Variants in RIMS4 observed in about 807,000 individuals in gnomAD.
RIMS4 encodes regulating synaptic membrane exocytosis protein 4.
RIMS4 carries 9 observed loss-of-function variants against 29.0 expected under a neutral mutation model. The observed-to-expected ratio is 0.31, with a 90% CI of 0.19 to 0.54. The LOEUF (loss-of-function observed/expected upper bound fraction) is 0.54. Among genes scored for constraint, RIMS4 ranks in the 20% least tolerant of loss-of-function variants. The probability of loss-of-function intolerance (pLI) is 0.94; values close to 1 mark genes in which losing one functional copy is unlikely to be tolerated. For synonymous variants in RIMS4, 130 were observed against 152.9 expected (o/e 0.85, Z 1.10); for missense variants, 193 against 365.7 (o/e 0.53, Z 3.85).
intron 1 of RIMS4, among the ~76,000 whole-genome samples, chr20:44,790,529 C>T (rs1042042350): frequency 6.6e-6 from 1 of 152,220 alleles, no homozygotes; most frequent in African/African-American, 2.4e-5. Flanking sequence ...ATGATTCTCA[C>T]TTGTGAATGT....
At chr20:44,762,067 C>T (rs1012485609) in intron 2 of RIMS4, among the ~76,000 whole-genome samples, 2 of 152,178 alleles carry the variant, frequency 1.3e-5, no homozygotes, top group Non-Finnish European at 2.9e-5. Context: ...GATGAAACTG[C>T]TCCACCTCAG....
intron 2 of RIMS4, among the ~76,000 whole-genome samples, chr20:44,769,658 C>G (rs1167957847): frequency 6.6e-6 from 1 of 152,250 alleles, no homozygotes; most frequent in African/African-American, 2.4e-5. Context: ...TTCCGCTGTC[C>G]TCCTCCTGTT....
At chr20:44,765,065 CTAGG>C (rs1019198795) in intron 2 of RIMS4, among the ~76,000 whole-genome samples, 8 of 152,132 alleles carry the variant, frequency 5.3e-5, no homozygotes, top group Non-Finnish European at 1.2e-4. Context: ...TCTATAAAAG[CTAGG>C]TATTTGTAAT....
chr20:44,757,501 C>A (rs2066065775), intron 4 of RIMS4, among the ~76,000 whole-genome samples, 169 bp downstream of exon 4: 1 of 152,188 alleles, frequency 6.6e-6, no homozygotes, highest in Admixed American at 6.5e-5. Flanking sequence ...ACAATCTCAA[C>A]TGGCTCTTCA....
rs1193401265 is a variant in RIMS4, at chr20:44,757,850, G to C, written c.350-79C>G. On this transcript the variant is annotated intron_variant, in intron 3 of 5. Transcript: ENST00000372851. ...GGACTCAGCTCTTCTCCTTTACTTA[G>C]GGCTGAAACCCCCTTCCCCTGCTCC... 3 of 1,305,032 alleles carry C rather than the reference G, an allele frequency of 2.3e-6. No individual in the cohort carries two copies. The African/African-American group carries it at 4.4e-5, about 19-fold the overall frequency. The allele number at this position is 1,305,032 out of a possible 1,614,324, so 80.8% of individuals were successfully genotyped here.
chr20:44,810,492 T>TGGC lies in RIMS4; in HGVS notation c.-224_-222dup, dbSNP rs1186589933. On this transcript the variant is annotated 5_prime_UTR_variant, in exon 1 of 6. Coordinates refer to ENST00000372851, the MANE Select transcript of RIMS4 (RefSeq NM_182970.4). ...CGGAGCCCGAGGCGCGCTGTGCTGC[T>TGGC]GGCGGCGGCGGCGGCGGCGGCGGTG... 0.04 allele frequency among the ~76,000 whole-genome samples: 5,594 copies of TGGC among 138,554 alleles called. 208 individuals are homozygous for TGGC. Among genetic ancestry groups the TGGC allele is most frequent in the African/African-American group, 0.096 (3,658 of 38,268 alleles). The allele number at this position is 138,554 out of a possible 152,430, so 90.9% of individuals were successfully genotyped here.
rs1264906235 is a variant in RIMS4, at chr20:44,755,904, A to G, written c.*230T>C. 1.5e-5 allele frequency: 8 copies of G among 520,786 alleles called. No homozygotes were observed. The Admixed American group carries it at 2.5e-4, about 16-fold the overall frequency. 32.3% of individuals were successfully genotyped at this position (520,786 alleles called of 1,614,324 possible). On this transcript the variant is annotated 3_prime_UTR_variant, in exon 6 of 6. Transcript: ENST00000372851. ...TGCAGCCACATCCACCAGGTCAAGA[A>G]CCGGCCAAGTCAAAAGTGTAGCCAA...
chr20:44,787,654 T>C (rs1365266188), intron 1 of RIMS4, among the ~76,000 whole-genome samples: 5 of 149,796 alleles, frequency 3.3e-5, no homozygotes, highest in Non-Finnish European at 7.4e-5. Context: ...GAAAATCTGC[T>C]GGGAGCTGCT....
chr20:44,770,060 A>G (rs2066130228), intron 2 of RIMS4, among the ~76,000 whole-genome samples: 1 of 152,234 alleles, frequency 6.6e-6, no homozygotes, highest in Non-Finnish European at 1.5e-5. Flanking sequence ...TTAATTAGCC[A>G]CATGCTTCTA....
intron 1 of RIMS4, among the ~76,000 whole-genome samples, chr20:44,803,971 C>T (rs554402264): frequency 6.6e-6 from 1 of 152,354 alleles, no homozygotes; most frequent in South Asian, 2.1e-4. Context: ...ACCTGCTGTT[C>T]TGACAGCACA....
intron 1 of RIMS4, among the ~76,000 whole-genome samples, chr20:44,797,276 T>C (rs1476209458): frequency 3.1e-4 from 47 of 152,226 alleles, no homozygotes; most frequent in Admixed American, 2.9e-3. Flanking sequence ...ATTTACATAT[T>C]GTCTGGGGCT....
intron 2 of RIMS4, among the ~76,000 whole-genome samples, chr20:44,765,686 G>A (rs373688037): frequency 4.6e-5 from 7 of 152,230 alleles, no homozygotes; most frequent in East Asian, 3.9e-4. Context: ...TGGTAGAACC[G>A]TGACCCTGAG....
In RIMS4 at chr20:44,759,236, T is replaced by TTTG. The variant is rs59807530; in HGVS notation, c.237-1055_237-1053dup. Among the ~76,000 whole-genome samples, 376 of 152,208 alleles carry TTTG rather than the reference T, an allele frequency of 2.5e-3. 3 individuals carry two copies. Among genetic ancestry groups the TTTG allele is most frequent in the Middle Eastern group, 0.01 (3 of 294 alleles). On this transcript the variant is annotated intron_variant, in intron 2 of 5. Coordinates refer to ENST00000372851, the MANE Select transcript of RIMS4 (RefSeq NM_182970.4). ...CTCACCACAACCACAGGAGGTTTTT[T>TTTG]TTGTTGTTGTTCTGGTTTTTGTTTT... is the stretch of plus-strand genomic sequence containing the variant.
At position 44,756,503 on chromosome 20, in the gene RIMS4, C is replaced by T. The variant is rs932894438; in HGVS notation, c.592-151G>A. 16 of 657,612 alleles carry T rather than the reference C, an allele frequency of 2.4e-5. No individual in the cohort carries two copies. The highest frequency in any genetic ancestry group is 3.6e-5 in the South Asian group (2 of 55,272). 40.7% of individuals were successfully genotyped at this position (657,612 alleles called of 1,614,324 possible). A position where few individuals can be genotyped will look rare whatever the true frequency, so the allele number is the denominator to read the frequency against. On this transcript the variant is annotated intron_variant, in intron 5 of 5. Coordinates refer to ENST00000372851, the MANE Select transcript of RIMS4 (RefSeq NM_182970.4). This position sits in a 1 kb window ranked among gnomAD's most constrained non-coding sequence, Gnocchi z 5.9. Reference sequence around the variant, plus strand: ...ATTCCTCAACAGGCCTTTCTTATCACGGGGCATCACACCAAGCCCCTGGCC... The same window carrying T: ...ATTCCTCAACAGGCCTTTCTTATCATGGGGCATCACACCAAGCCCCTGGCC...
chr20:44,764,541 G>A (rs1219652077), intron 2 of RIMS4, among the ~76,000 whole-genome samples: 1 of 152,162 alleles, frequency 6.6e-6, no homozygotes, highest in Non-Finnish European at 1.5e-5. Flanking sequence ...GGTGTCGGAA[G>A]AGGTGCAGCC....
intron 1 of RIMS4, among the ~76,000 whole-genome samples, chr20:44,776,399 G>A (rs185066997): frequency 9.9e-5 from 15 of 152,156 alleles, no homozygotes; most frequent in African/African-American, 1.7e-4. Context: ...GCTCTCCCTC[G>A]CAGTCTCTAT....
rs552890281 is a variant in RIMS4 at position 44,773,158 on chromosome 20, G to T, written c.98-1745C>A. Among the ~76,000 whole-genome samples the T allele has an allele frequency of 4.6e-5, 7 of 152,258 alleles. No homozygotes were observed. The East Asian group carries it at 9.7e-4, about 21-fold the overall frequency. On this transcript the variant is annotated intron_variant, in intron 1 of 5. Transcript: ENST00000372851. ...AGTGTGCTCCCAGGGGTCTCCACATGCCTGTCGCTCTGTGTGTTTGAGGCT... is the reference window on the plus strand; with the variant it reads ...AGTGTGCTCCCAGGGGTCTCCACATTCCTGTCGCTCTGTGTGTTTGAGGCT...
At chr20:44,801,700 T>C (rs1371375732) in intron 1 of RIMS4, among the ~76,000 whole-genome samples, 2 of 152,132 alleles carry the variant, frequency 1.3e-5, no homozygotes, top group Non-Finnish European at 2.9e-5. Flanking sequence ...ACTTATCCTT[T>C]GTACAAATGA....
At chr20:44,793,859 CAA>C (rs2066243462) in intron 1 of RIMS4, among the ~76,000 whole-genome samples, 1 of 152,068 alleles carries the variant, frequency 6.6e-6, no homozygotes, top group Admixed American at 6.5e-5. Flanking sequence ...TGCTTCAGCC[CAA>C]GAGTTCAAGA....
Sources: allele counts gnomAD v4.1 joint callset (sites outside exome capture counted in the v4.1 genomes callset), GRCh38; gene constraint gnomAD v4.1.1; non-coding constraint Gnocchi (gnomAD v3.1); transcripts MANE v1.5; gene names NCBI Gene and HGNC (gene_info 2026-07-23, HGNC 2026-07-21).